The following TAFA1 variants were observed in gnomAD, a reference collection of about 807,000 sequenced individuals.
TAFA1 encodes chemokine-like protein TAFA-1.
Under a neutral mutation model 18.5 loss-of-function variants are expected in TAFA1, and 4 were observed. That is an observed-to-expected ratio of 0.22 (90% CI 0.11 to 0.49). The LOEUF (loss-of-function observed/expected upper bound fraction) is 0.49. Ranked by LOEUF, TAFA1 falls within the 20% of genes least tolerant of loss-of-function variation. TAFA1 has a pLI of 0.98. For missense variants in TAFA1, 147 were observed against 169.0 expected, an observed-to-expected ratio of 0.87 and a Z score of 0.72; for synonymous variants, 56 against 55.2, an observed-to-expected ratio of 1.01 and a Z score of -0.06.
intron 2 of TAFA1, among the ~76,000 whole-genome samples, chr3:68,344,385 A>G (rs1205816774): frequency 2.6e-5 from 4 of 152,200 alleles, no homozygotes; most frequent in Admixed American, 1.3e-4. Context: ...AGTTTAAGTC[A>G]TGAATTTGTG....
intron 2 of TAFA1, among the ~76,000 whole-genome samples, chr3:68,399,099 C>T (rs1420075388): frequency 2.6e-5 from 4 of 152,128 alleles, no homozygotes; most frequent in African/African-American, 9.7e-5. Flanking sequence ...TTATTCATGA[C>T]AGTCAATATA....
chr3:68,031,433 C>T lies in TAFA1; in HGVS notation c.118+24689C>T, dbSNP rs1044937046. ...AAAGGATACTTTATCACAAAGCACT[C>T]GGAAATAGTGGGCAGTGCTTATAAA... On this transcript the variant is annotated intron_variant, in intron 2 of 4. Transcript: ENST00000478136. Among the ~76,000 whole-genome samples, 4 of 152,028 alleles carry T rather than the reference C, an allele frequency of 2.6e-5. 1 individual carries two copies. The highest frequency in any genetic ancestry group is 4.1e-4 in the South Asian group (2 of 4,822).
intron 2 of TAFA1, among the ~76,000 whole-genome samples, chr3:68,125,458 C>A (rs2065452810): frequency 6.6e-6 from 1 of 152,108 alleles, no homozygotes; most frequent in Non-Finnish European, 1.5e-5. Context: ...ATCTCACCAC[C>A]AAATCTGTTT....
chr3:68,307,906 A>G (rs988219642), intron 2 of TAFA1, among the ~76,000 whole-genome samples: 3 of 152,144 alleles, frequency 2.0e-5, no homozygotes, highest in African/African-American at 4.8e-5. Flanking sequence ...TGCCCTTGTT[A>G]CCTCACTGGT....
intron 3 of TAFA1, among the ~76,000 whole-genome samples, chr3:68,496,063 G>A (rs1205608237): frequency 6.8e-6 from 1 of 147,720 alleles, no homozygotes; most frequent in Non-Finnish European, 1.5e-5. Flanking sequence ...AAATATCACT[G>A]TGTCTGTGGT....
chr3:68,316,447 G>A (rs2068606530), intron 2 of TAFA1, among the ~76,000 whole-genome samples: 1 of 152,190 alleles, frequency 6.6e-6, no homozygotes, highest in Admixed American at 6.5e-5. Context: ...ATCTTCTGCA[G>A]AATAATGTGT....
chr3:68,274,592 G>A (rs1328146269), intron 2 of TAFA1, among the ~76,000 whole-genome samples: 2 of 152,144 alleles, frequency 1.3e-5, no homozygotes, highest in African/African-American at 4.8e-5. Flanking sequence ...ATTGCTGTGG[G>A]AAGCAATATT....
chr3:68,270,792 T>A (rs1008388423), intron 2 of TAFA1, among the ~76,000 whole-genome samples: 1 of 152,126 alleles, frequency 6.6e-6, no homozygotes, highest in African/African-American at 2.4e-5. Context: ...TATTATGGAT[T>A]AAACAGAAGA....
intron 2 of TAFA1, among the ~76,000 whole-genome samples, chr3:68,126,660 A>G (rs2065468403): frequency 6.6e-6 from 1 of 152,220 alleles, no homozygotes; most frequent in Admixed American, 6.5e-5. Flanking sequence ...ACCTTTCAAG[A>G]GGGAGCTTAT....
At chr3:68,060,204 TTG>T (rs56680758) in intron 2 of TAFA1, among the ~76,000 whole-genome samples, 7 of 150,076 alleles carry the variant, frequency 4.7e-5, no homozygotes, top group Admixed American at 6.6e-5. Context: ...GTGTGTGTGT[TTG>T]TGTGTGTGTG....
At chr3:68,535,157 C>T (rs957788740) in intron 3 of TAFA1, among the ~76,000 whole-genome samples, 1 of 152,042 alleles carries the variant, frequency 6.6e-6, no homozygotes, top group African/African-American at 2.4e-5. Flanking sequence ...AAGGAAACTT[C>T]AGATTATAGG....
chr3:67,996,054 A>G, the TAFA1 span, among the ~76,000 whole-genome samples: 18 of 152,226 alleles, frequency 1.2e-4, no homozygotes, highest in African/African-American at 4.3e-4. Context: ...ACAGGAGCTT[A>G]TAGCACATTA....
chr3:68,079,596 G>A (rs2064870938), intron 2 of TAFA1, among the ~76,000 whole-genome samples: 1 of 152,134 alleles, frequency 6.6e-6, no homozygotes, highest in Non-Finnish European at 1.5e-5. Flanking sequence ...GGAGCAGGTT[G>A]TTCAGTTTCC....
Position 68,039,809 on chromosome 3 carries a change from C to G in TAFA1, c.118+33065C>G, listed in dbSNP as rs576458040. On this transcript the variant is annotated intron_variant, in intron 2 of 4. Transcript: ENST00000478136. ...GAGTTGCTGATGCAGACAACTGAGA[C>G]TCAGTTTTGCTGGGGCTTTCTGGGG... Among the ~76,000 whole-genome samples, 4 of 152,130 alleles carry G rather than the reference C, an allele frequency of 2.6e-5. No individual in the cohort carries two copies. In the East Asian group the frequency reaches 7.7e-4, roughly 29 times the overall value.
intron 3 of TAFA1, among the ~76,000 whole-genome samples, chr3:68,505,267 G>T (rs1286047074): frequency 6.6e-6 from 1 of 152,106 alleles, no homozygotes; most frequent in African/African-American, 2.4e-5. Context: ...CACATATGAT[G>T]CAAGCTGTAT....
chr3:68,298,061 G>A (rs968927131), intron 2 of TAFA1, among the ~76,000 whole-genome samples: 2 of 152,168 alleles, frequency 1.3e-5, no homozygotes, highest in Admixed American at 6.5e-5. Flanking sequence ...TGCACTTGGA[G>A]ATGTTTTCCC....
At chr3:68,147,039 G>GTGTA (rs780205455) in intron 2 of TAFA1, among the ~76,000 whole-genome samples, 118 of 148,306 alleles carry the variant, frequency 8.0e-4, no homozygotes, top group Middle Eastern at 3.6e-3. Flanking sequence ...GTGTGTGTGT[G>GTGTA]TATATATATA....
intron 3 of TAFA1, among the ~76,000 whole-genome samples, chr3:68,472,519 C>T (rs1312720810): frequency 6.6e-6 from 1 of 151,930 alleles, no homozygotes; most frequent in South Asian, 2.1e-4. Flanking sequence ...CACACACACA[C>T]ACACACACAC....
rs186218727 is a variant in TAFA1, at chr3:68,027,679, T to A, written c.118+20935T>A. ...ACAGCTTGCTATTTGATCCTAAGTG[T>A]GGACTTTAAATTTGTCTCTGTTATT... On this transcript the variant is annotated intron_variant, in intron 2 of 4. Coordinates refer to ENST00000478136, the MANE Select transcript of TAFA1 (RefSeq NM_213609.4). Among the ~76,000 whole-genome samples the A allele has an allele frequency of 1.8e-3, 277 of 152,342 alleles. 1 individual carries two copies. Among genetic ancestry groups the A allele is most frequent in the African/African-American group, 6.5e-3 (271 of 41,588 alleles).
Sources: gnomAD v4.1 joint callset for allele counts (sites outside exome capture counted in the v4.1 genomes callset) on GRCh38, gnomAD v4.1.1 for gene constraint, MANE v1.5 for transcripts, NCBI Gene and HGNC (gene_info 2026-07-23, HGNC 2026-07-21) for gene names.